The following ADAM12 variants were observed in gnomAD, a reference collection of about 807,000 sequenced individuals.
The protein encoded by ADAM12 is disintegrin and metalloproteinase domain-containing protein 12.
Under a neutral mutation model 106.4 loss-of-function variants are expected in ADAM12, and 70 were observed. The observed-to-expected ratio is 0.66, with a 90% CI of 0.54 to 0.80. The LOEUF is 0.80. ADAM12 is among the 30% of genes least tolerant of loss of function. The probability of loss-of-function intolerance (pLI) is 0.00; values close to 1 mark genes in which losing one functional copy is unlikely to be tolerated. For missense variants in ADAM12, 1,010 were observed against 1,171.9 expected (o/e 0.86, Z 2.02); for synonymous variants, 420 against 433.5 (o/e 0.97, Z 0.39).
At chr10:126,028,728 C>T (rs114816159) in intron 21 of ADAM12, among the ~76,000 whole-genome samples, 2,300 of 152,148 alleles carry the variant, frequency 0.015, 62 homozygotes, top group African/African-American at 0.052. Flanking sequence ...GCAACACCAT[C>T]GAGGACATAG....
At chr10:126,198,851 T>C (rs1448005539) in intron 3 of ADAM12, among the ~76,000 whole-genome samples, 4 of 152,236 alleles carry the variant, frequency 2.6e-5, no homozygotes, top group Admixed American at 6.5e-5. Flanking sequence ...ACTTTATTCA[T>C]ATTAGAAACT....
intron 3 of ADAM12, among the ~76,000 whole-genome samples, chr10:126,164,819 G>A (rs893531881): frequency 5.3e-5 from 8 of 152,010 alleles, no homozygotes; most frequent in Admixed American, 4.6e-4. Flanking sequence ...TGGCTTTTCT[G>A]GACTATTTTA....
chr10:126,068,083 C>A (rs550878164), intron 12 of ADAM12, among the ~76,000 whole-genome samples: 3 of 152,148 alleles, frequency 2.0e-5, no homozygotes, highest in East Asian at 3.9e-4. Context: ...ATCCAGAATG[C>A]GTAATATATA....
chr10:126,347,546 T>C (rs562624516), intron 1 of ADAM12, among the ~76,000 whole-genome samples: 1 of 152,212 alleles, frequency 6.6e-6, no homozygotes, highest in Non-Finnish European at 1.5e-5. Context: ...TTCTCTGTAT[T>C]TCCTGAATTT....
chr10:126,223,162 G>A (rs1958127684), intron 3 of ADAM12, among the ~76,000 whole-genome samples: 1 of 152,140 alleles, frequency 6.6e-6, no homozygotes, highest in Admixed American at 6.6e-5. Flanking sequence ...GATACAATTT[G>A]GGGGAAGACT....
intron 3 of ADAM12, among the ~76,000 whole-genome samples, chr10:126,259,962 C>A (rs1409581024): frequency 6.6e-6 from 1 of 152,110 alleles, no homozygotes; most frequent in Non-Finnish European, 1.5e-5. Flanking sequence ...TGAGTCAGAC[C>A]TCTTGAGTTC....
chr10:126,380,161 C>G (rs1472628934), intron 1 of ADAM12, among the ~76,000 whole-genome samples: 2 of 152,076 alleles, frequency 1.3e-5, no homozygotes, highest in Non-Finnish European at 2.9e-5. Context: ...CATCTATCAA[C>G]TGGAGGCAAG....
intron 3 of ADAM12, among the ~76,000 whole-genome samples, chr10:126,265,725 T>C (rs558163059): frequency 2.6e-5 from 4 of 152,022 alleles, no homozygotes; most frequent in African/African-American, 7.3e-5. Context: ...TTCTACTGAG[T>C]ATAAAAATCT....
At chr10:126,358,018 C>T (rs1247507742) in intron 1 of ADAM12, among the ~76,000 whole-genome samples, 1 of 151,994 alleles carries the variant, frequency 6.6e-6, no homozygotes, top group African/African-American at 2.4e-5. Context: ...ACAAACACCT[C>T]AAAAGTAAAG....
intron 13 of ADAM12, 28 bp from the exon 14 acceptor site, chr10:126,065,029 A>T (rs1322573783): frequency 6.3e-6 from 10 of 1,586,290 alleles, no homozygotes; most frequent in Non-Finnish European, 8.6e-6. Context: ...TTTATGACAC[A>T]TGCACCCGGG....
At chr10:126,364,209 T>C (rs576654259) in intron 1 of ADAM12, among the ~76,000 whole-genome samples, 1 of 152,136 alleles carries the variant, frequency 6.6e-6, no homozygotes, top group South Asian at 2.1e-4. Flanking sequence ...ACATCTTAAA[T>C]CAACAGTCAA....
In ADAM12 at chr10:126,292,798, A is replaced by G. The variant is rs149216347; in HGVS notation, c.187-13810T>C. Among the ~76,000 whole-genome samples the G allele has an allele frequency of 1.1e-3, 162 of 152,334 alleles. 1 individual carries two copies. The highest frequency in any genetic ancestry group is 3.5e-3 in the African/African-American group (147 of 41,582). On this transcript the variant is annotated intron_variant, in intron 2 of 22. Coordinates refer to ENST00000448723, the MANE Select transcript of ADAM12 (RefSeq NM_001288973.2). ...ATGTACACCAAAATTTGAATTTCCC[A>G]TCATTTTATGTGTTACGAAATATTC...
intron 1 of ADAM12, among the ~76,000 whole-genome samples, chr10:126,331,989 T>A (rs1854529392): frequency 6.6e-6 from 1 of 152,190 alleles, no homozygotes; most frequent in Non-Finnish European, 1.5e-5. Flanking sequence ...TGAGTAAGTG[T>A]GTCTCCCTCC....
At chr10:126,211,907 T>A (rs543496142) in intron 3 of ADAM12, among the ~76,000 whole-genome samples, 2 of 152,218 alleles carry the variant, frequency 1.3e-5, no homozygotes, top group South Asian at 4.2e-4. Flanking sequence ...TTATTTTGAG[T>A]TGGGTTTTCT....
At chr10:126,303,936 G>A (rs562665209) in intron 2 of ADAM12, among the ~76,000 whole-genome samples, 1 of 152,244 alleles carries the variant, frequency 6.6e-6, no homozygotes, top group African/African-American at 2.4e-5. Flanking sequence ...ATACATTATA[G>A]AACCATACTA....
intron 11 of ADAM12, among the ~76,000 whole-genome samples, chr10:126,080,496 G>A (rs1340128733): frequency 6.6e-6 from 1 of 151,872 alleles, no homozygotes; most frequent in African/African-American, 2.4e-5. Flanking sequence ...CTTGGCGTGA[G>A]AATGCTTTAA....
intron 8 of ADAM12, among the ~76,000 whole-genome samples, chr10:126,102,864 TG>T (rs1304139189): frequency 6.6e-6 from 1 of 152,228 alleles, no homozygotes; most frequent in Admixed American, 6.5e-5. Flanking sequence ...CATGTTTGGC[TG>T]CTGTCCACTG....
At chr10:126,116,268 C>T (rs929249049) in intron 6 of ADAM12, among the ~76,000 whole-genome samples, 4 of 152,108 alleles carry the variant, frequency 2.6e-5, no homozygotes, top group Admixed American at 6.5e-5. Context: ...ACGTGGGCAA[C>T]GTGCATTCAA....
intron 11 of ADAM12, among the ~76,000 whole-genome samples, chr10:126,083,814 G>A (rs1955282546): frequency 2.0e-5 from 3 of 152,158 alleles, no homozygotes; most frequent in South Asian, 2.1e-4. Context: ...CCTGCCCAGC[G>A]GTGCACAGGG....
Sources: gnomAD v4.1 joint callset for allele counts (sites outside exome capture counted in the v4.1 genomes callset) on GRCh38, gnomAD v4.1.1 for gene constraint, MANE v1.5 for transcripts, NCBI Gene and HGNC (gene_info 2026-07-23, HGNC 2026-07-21) for gene names.